Variants in RMDN2 observed in about 807,000 individuals in gnomAD.
RMDN2 encodes the protein regulator of microtubule dynamics 2, also known as regulator of microtubule dynamics protein 2.
Under a neutral mutation model 52.8 loss-of-function variants are expected in RMDN2, and 61 were observed. The ratio of observed to expected loss-of-function variants is 1.16; its 90% confidence interval spans 0.94 to 1.43. The LOEUF (loss-of-function observed/expected upper bound fraction) is 1.43. Among genes scored for constraint, RMDN2 ranks in the 40% most tolerant of loss-of-function variants. The pLI is 0.00. For synonymous variants in RMDN2, 180 were observed against 153.1 expected (o/e 1.18, Z -1.30); for missense variants, 592 against 475.3 (o/e 1.25, Z -2.28).
intron 10 of RMDN2, among the ~76,000 whole-genome samples, chr2:38,015,052 G>A (rs372274477): frequency 6.6e-6 from 1 of 152,238 alleles, no homozygotes. Flanking sequence ...TGCTTGGACA[G>A]TAGAGGGCTC....
chr2:37,951,617 A>C (rs528990994), intron 2 of RMDN2: 4 of 1,613,366 alleles, frequency 2.5e-6, no homozygotes, highest in Non-Finnish European at 3.4e-6. Context: ...AACTAAGTAT[A>C]GTTTCCTATT....
intron 10 of RMDN2, among the ~76,000 whole-genome samples, chr2:38,060,926 C>G (rs1022151241): frequency 6.6e-6 from 1 of 152,152 alleles, no homozygotes; most frequent in Non-Finnish European, 1.5e-5. Context: ...CTTTTTCAAT[C>G]AGATATAATA....
intron 10 of RMDN2, among the ~76,000 whole-genome samples, chr2:38,039,798 G>C (rs1680840934): frequency 6.6e-6 from 1 of 152,148 alleles, no homozygotes; most frequent in Non-Finnish European, 1.5e-5. Context: ...ATCTGACCCA[G>C]GATGTCAAGA....
At chr2:38,011,556 A>G (rs1357031586) in intron 10 of RMDN2, among the ~76,000 whole-genome samples, 2 of 152,206 alleles carry the variant, frequency 1.3e-5, no homozygotes, top group Non-Finnish European at 2.9e-5. Flanking sequence ...CTATAAACAA[A>G]TAAGACACAC....
chr2:38,043,658 A>T (rs1008487002), intron 10 of RMDN2, among the ~76,000 whole-genome samples: 8 of 152,002 alleles, frequency 5.3e-5, no homozygotes, highest in Non-Finnish European at 8.8e-5. Flanking sequence ...TAATTCTTTC[A>T]AGAAACATTT....
intron 2 of RMDN2, among the ~76,000 whole-genome samples, chr2:37,933,351 C>G (rs544543996): frequency 1.3e-5 from 2 of 152,350 alleles, no homozygotes; most frequent in South Asian, 4.1e-4. Context: ...GGAGACGCTC[C>G]TCACTTCCCA....
chr2:37,947,723 A>G (rs1050227066), intron 2 of RMDN2, among the ~76,000 whole-genome samples: 4 of 152,196 alleles, frequency 2.6e-5, no homozygotes, highest in Admixed American at 2.6e-4. Context: ...TCAGCTAAAG[A>G]TGTGCATTTT....
At chr2:38,017,914 A>G (rs1679022278), downstream of RMDN2, among the ~76,000 whole-genome samples, 1 of 152,034 alleles carries the variant, frequency 6.6e-6, no homozygotes, top group Non-Finnish European at 1.5e-5. Context: ...GATTACAGTC[A>G]AAGGGCCTTG....
downstream of RMDN2, among the ~76,000 whole-genome samples, chr2:38,018,966 C>T (rs982142758): frequency 6.6e-6 from 1 of 152,146 alleles, no homozygotes; most frequent in Non-Finnish European, 1.5e-5. Flanking sequence ...AATTAAGCAA[C>T]CCCCTAGCCC....
intron 2 of RMDN2, among the ~76,000 whole-genome samples, chr2:37,932,322 T>A (rs1666831037): frequency 6.6e-6 from 1 of 151,882 alleles, no homozygotes; most frequent in South Asian, 2.1e-4. Flanking sequence ...GCACCGCCCT[T>A]AATCCATTCA....
Position 38,017,261 on chromosome 2 carries a change from C to G in RMDN2, c.*22C>G, listed in dbSNP as rs1678932774. On this transcript the variant is annotated 3_prime_UTR_variant, in exon 11 of 11. Coordinates refer to ENST00000354545, the MANE Select transcript of RMDN2 (RefSeq NM_001170791.3). Reference sequence around the variant, plus strand: ...GTAAATAAACGAATTTACTCTTCAACAAATCAGATGTGGTCTACCAAAATT... The same window carrying G: ...GTAAATAAACGAATTTACTCTTCAAGAAATCAGATGTGGTCTACCAAAATT... The G allele has an allele frequency of 2.0e-6, 3 of 1,510,506 alleles. No homozygotes were observed. The highest frequency in any genetic ancestry group is 1.4e-5 in the African/African-American group (1 of 71,560). The allele number at this position is 1,510,506 out of a possible 1,614,324, so 93.6% of individuals were successfully genotyped here. A position where few individuals can be genotyped will look rare whatever the true frequency, so the allele number is the denominator to read the frequency against.
At chr2:37,989,718 T>C (rs1674507836) in intron 6 of RMDN2, 102 bp downstream of exon 6, 3 of 760,712 alleles carry the variant, frequency 3.9e-6, no homozygotes, top group Non-Finnish European at 6.4e-6. Context: ...GTTCCATCAA[T>C]GGGTATAAAC....
downstream of RMDN2, among the ~76,000 whole-genome samples, chr2:38,018,880 GCACGCACACGCACA>G (rs944037075): frequency 6.6e-6 from 1 of 152,126 alleles, no homozygotes; most frequent in Non-Finnish European, 1.5e-5. Context: ...GGGTGCACAT[GCACGCACACGCACA>G]CACGCACACA....
At chr2:37,952,771 A>C (rs1030923168) in intron 2 of RMDN2, 1 of 152,444 alleles carries the variant, frequency 6.6e-6, no homozygotes, top group African/African-American at 2.4e-5. Context: ...AATATGTAGA[A>C]TATTTAGAAA....
chr2:38,034,705 ATATATT>A (rs535307510), intron 10 of RMDN2, among the ~76,000 whole-genome samples: 263 of 151,400 alleles, frequency 1.7e-3, no homozygotes, highest in African/African-American at 5.0e-3. Flanking sequence ...TCATCCCCTA[ATATATT>A]TATATTTATT....
At chr2:38,010,689 C>T (rs1677853159) in intron 10 of RMDN2, among the ~76,000 whole-genome samples, 1 of 152,206 alleles carries the variant, frequency 6.6e-6, no homozygotes, top group African/African-American at 2.4e-5. Context: ...CCAGCTTCGG[C>T]TCATGCTCGG....
rs148490802 is a variant in RMDN2 at position 37,951,890 on chromosome 2, C to A, written c.453-22150C>A. 13 of 1,613,260 alleles carry A rather than the reference C, an allele frequency of 8.1e-6. No homozygotes were observed. In the South Asian group the frequency reaches 1.1e-4, roughly 14 times the overall value. On this transcript the variant is annotated intron_variant, in intron 2 of 10. Coordinates refer to ENST00000354545, the MANE Select transcript of RMDN2 (RefSeq NM_001170791.3). Reference sequence around the variant, plus strand: ...CTCTTGCAAGTGATATTTCCTCTCCCGATCAACAAAATGGAATTGCCAATG... The same window carrying A: ...CTCTTGCAAGTGATATTTCCTCTCCAGATCAACAAAATGGAATTGCCAATG...
rs143691196 is a variant in RMDN2 at position 37,943,240 on chromosome 2, C to G, written c.452+13511C>G. On this transcript the variant is annotated intron_variant, in intron 2 of 10. Transcript: ENST00000354545. ...GAGTGGAGTACAGAACTTTCTGGAA[C>G]CAGTACTGAAGAAGTGGACAAAGGT... is the stretch of plus-strand genomic sequence containing the variant. Among the ~76,000 whole-genome samples, 326 of 152,248 alleles carry G rather than the reference C, an allele frequency of 2.1e-3. 2 individuals carry two copies. The highest frequency in any genetic ancestry group is 7.5e-3 in the African/African-American group (312 of 41,550).
chr2:37,969,128 G>T lies in RMDN2; in HGVS notation c.453-4912G>T, dbSNP rs564989368. Among the ~76,000 whole-genome samples the T allele has an allele frequency of 4.7e-5, 7 of 149,874 alleles. No individual in the cohort carries two copies. In the East Asian group the frequency reaches 1.2e-3, roughly 25 times the overall value. ...CCTGTTGCTATACCAATACCACATT[G>T]ACCCAGTTTCTTTAGCTTTATCCTT... On this transcript the variant is annotated intron_variant, in intron 2 of 10. Coordinates refer to ENST00000354545, the MANE Select transcript of RMDN2 (RefSeq NM_001170791.3).
Sources: allele counts gnomAD v4.1 joint callset (sites outside exome capture counted in the v4.1 genomes callset), GRCh38; gene constraint gnomAD v4.1.1; transcripts MANE v1.5; gene names NCBI Gene and HGNC (gene_info 2026-07-23, HGNC 2026-07-21).